Variants in EXOSC10 observed in about 807,000 individuals in gnomAD.
EXOSC10 encodes the protein exosome component 10.
A neutral mutation model predicts 126.6 loss-of-function variants in EXOSC10; 94 were observed. The observed-to-expected ratio is 0.74, with a 90% CI of 0.63 to 0.88. The LOEUF is 0.88. Ranked by LOEUF, EXOSC10 falls within the 40% of genes least tolerant of loss-of-function variation. The pLI, the probability that EXOSC10 is intolerant of heterozygous loss-of-function variation, is 0.00. For missense variants in EXOSC10, 1,041 were observed against 1,100.5 expected (o/e 0.95, Z 0.77); for synonymous variants, 395 against 400.8 (o/e 0.99, Z 0.17).
chr1:11,066,897 T>C (rs924992914), intron 24 of EXOSC10, 149 bp from the exon 25 acceptor site: 6 of 826,270 alleles, frequency 7.3e-6, no homozygotes, highest in Non-Finnish European at 1.2e-5. Flanking sequence ...CCCACCAGAG[T>C]TGGCTGAGCT....
chr1:11,083,094 C>T (rs994284219), intron 9 of EXOSC10, among the ~76,000 whole-genome samples: 26 of 152,118 alleles, frequency 1.7e-4, no homozygotes, highest in African/African-American at 6.0e-4. Context: ...GGGACTACAG[C>T]GTGCCACCAC....
chr1:11,094,520 C>T (rs1640964890), intron 3 of EXOSC10, among the ~76,000 whole-genome samples: 1 of 151,636 alleles, frequency 6.6e-6, no homozygotes, highest in Non-Finnish European at 1.5e-5. Context: ...GCTCCTGAAC[C>T]CCTGACCTCA....
intron 9 of EXOSC10, among the ~76,000 whole-genome samples, chr1:11,084,355 G>A (rs997779292): frequency 2.0e-5 from 3 of 152,264 alleles, no homozygotes; most frequent in African/African-American, 7.2e-5. Context: ...CTGTGGTTTC[G>A]ATTTGCATTT....
At chr1:11,079,315 G>A (rs1247774274) in intron 14 of EXOSC10, among the ~76,000 whole-genome samples, 1 of 148,822 alleles carries the variant, frequency 6.7e-6, no homozygotes, top group East Asian at 2.0e-4. Flanking sequence ...GAGACAGAGC[G>A]AGACTCCGTC....
chr1:11,071,635 C>T (rs565849264), intron 20 of EXOSC10: 2 of 168,042 alleles, frequency 1.2e-5, no homozygotes, highest in East Asian at 1.8e-4. Context: ...CTCCTGGCTT[C>T]TGAACTCAGA....
At chr1:11,068,578 T>C in intron 23 of EXOSC10, 67 bp downstream of exon 23, 1 of 1,226,922 alleles carries the variant, frequency 8.2e-7, no homozygotes, top group Non-Finnish European at 1.2e-6. Context: ...GCCTGTCTTC[T>C]CAGCAGAGGA....
At position 11,082,858 on chromosome 1, in the gene EXOSC10, T is replaced by C. The variant is rs1237506943; in HGVS notation, c.1110A>G (p.Ser370=). 2.1e-5 allele frequency: 34 copies of C among 1,614,052 alleles called. No individual in the cohort carries two copies. The highest frequency in any genetic ancestry group is 2.9e-5 in the Non-Finnish European group (34 of 1,180,000). The part of the protein sequence containing the change: ...AIVKVFHGAD[S]DIEWLQKDFG... ...AGTCTTTCTGTAGCCATTCTATGTC[T>C]GAATCAGCACCATGAAAGACCTGAA... The change falls in exon 10 of 25, where the codon TCA becomes TCG. Residue 370 remains serine (S), a synonymous_variant. Coordinates refer to ENST00000376936, the MANE Select transcript of EXOSC10 (RefSeq NM_001001998.3).
chr1:11,088,021 T>A (rs1005689254), intron 7 of EXOSC10, 102 bp downstream of exon 7: 5 of 1,278,278 alleles, frequency 3.9e-6, no homozygotes, highest in Non-Finnish European at 5.6e-6. Flanking sequence ...ACTTTCTCCC[T>A]TAAAGATCTT....
intron 21 of EXOSC10, 47 bp from the exon 22 acceptor site, chr1:11,069,777 G>C (rs1320421512): frequency 8.8e-6 from 14 of 1,598,460 alleles, no homozygotes; most frequent in Non-Finnish European, 1.2e-5. Context: ...AGGCACATGG[G>C]AACAGGGAAC....
In EXOSC10 at chr1:11,091,113, G is replaced by A. The variant is rs1180763502; in HGVS notation, c.544C>T (p.Arg182Ter). ...FRLLHAKNII[R>*]PQLKFREKID... ...TTCTCTCGAAACTTGAGCTGAGGTC[G>A]GATGATATTTTTTGCATGAAGCAGC... Residue 182 changes from arginine (R) to a stop codon, truncating the protein, a stop_gained, in exon 5 of 25, where the codon CGA (arginine) becomes TGA (stop). Coordinates refer to ENST00000376936, the MANE Select transcript of EXOSC10 (RefSeq NM_001001998.3). LOFTEE classifies it high-confidence loss of function. 7 of 1,613,986 alleles carry A rather than the reference G, an allele frequency of 4.3e-6. No homozygotes were observed. The South Asian group carries it at 4.4e-5, about 10-fold the overall frequency.
chr1:11,096,862 G>T (rs1046071133), intron 2 of EXOSC10, among the ~76,000 whole-genome samples: 1 of 152,150 alleles, frequency 6.6e-6, no homozygotes, highest in Non-Finnish European at 1.5e-5. Context: ...CACTTCAGGA[G>T]TGGTCACGAC....
intron 23 of EXOSC10, chr1:11,068,353 G>A (rs940389784): frequency 1.4e-5 from 8 of 588,498 alleles, no homozygotes; most frequent in Middle Eastern, 4.5e-4. Context: ...ACCCACGAGG[G>A]GTGAATGCAG....
chr1:11,072,115 A>C lies in EXOSC10; in HGVS notation c.2214T>G (p.Ala738=). The stretch of plus-strand genomic sequence containing the variant: ...TTTGCTCAGCTGCCTTCTTCTTGAC[A>C]GCTTCTTTAGAGTCTTTTTGTACTT... The part of the protein sequence containing the change: ...QVQVQKDSKE[A]VKKKAAEQTA... The change falls in exon 20 of 25, where the codon GCT becomes GCG. Residue 738 remains alanine, a synonymous_variant. Coordinates refer to ENST00000376936, the MANE Select transcript of EXOSC10 (RefSeq NM_001001998.3). 6.2e-7 allele frequency: 1 copy of C among 1,613,952 alleles called. No homozygotes were observed. The highest frequency in any genetic ancestry group is 1.3e-5 in the African/African-American group (1 of 75,036).
chr1:11,097,957 T>C (rs1396111184), intron 2 of EXOSC10, 63 bp downstream of exon 2: 1 of 1,397,668 alleles, frequency 7.2e-7, no homozygotes, highest in African/African-American at 1.5e-5. Context: ...TCAGGAAAAA[T>C]TTATCTACTT....
chr1:11,079,595 T>C (rs1014666322), intron 14 of EXOSC10, 116 bp downstream of exon 14: 11 of 773,164 alleles, frequency 1.4e-5, no homozygotes, highest in Non-Finnish European at 1.9e-5. Flanking sequence ...GGTTTCACCA[T>C]GTTGGCCAGG....
At position 11,082,754 on chromosome 1, in the gene EXOSC10, T is replaced by C; in HGVS notation, c.1214A>G (p.His405Arg). The C allele has an allele frequency of 6.2e-7, 1 of 1,614,226 alleles. No individual in the cohort carries two copies. Among genetic ancestry groups the C allele is most frequent in the Non-Finnish European group, 8.5e-7 (1 of 1,180,032 alleles). The stretch of plus-strand genomic sequence containing the variant: ...CACGTTGCAGTAGAGTTTCAGGAGA[T>C]GATCGAGTGAGTGCCTGCCCAGGTT... Reference protein sequence around the residue: ...LLNLGRHSLDHLLKLYCNVDS... With the variant: ...LLNLGRHSLDRLLKLYCNVDS... Residue 405 changes from histidine to arginine, a missense_variant, in exon 10 of 25, where the codon CAT (histidine) becomes CGT (arginine). By Grantham distance (29) the His-to-Arg change is conservative (BLOSUM62 0). Transcript: ENST00000376936.
At chr1:11,071,345 A>C in intron 20 of EXOSC10, 1 of 250,572 alleles carries the variant, frequency 4.0e-6, no homozygotes, top group Non-Finnish European at 7.7e-6. Context: ...GCTGCTCAGG[A>C]CAAAACCTTC....
chr1:11,079,689 C>T (rs1295670165), intron 14 of EXOSC10, 22 bp downstream of exon 14: 1 of 1,599,186 alleles, frequency 6.3e-7, no homozygotes, highest in Admixed American at 1.7e-5. Flanking sequence ...CCACTGTGCC[C>T]AGCCGCAGAA....
chr1:11,071,010 T>A, intron 20 of EXOSC10, 37 bp from the exon 21 acceptor site: 1 of 1,597,738 alleles, frequency 6.3e-7, no homozygotes, highest in Non-Finnish European at 8.6e-7. Context: ...AGTTGGTGAA[T>A]CCAGCAACCA....
Sources: allele counts gnomAD v4.1 joint callset (sites outside exome capture counted in the v4.1 genomes callset), GRCh38; gene constraint gnomAD v4.1.1; transcripts MANE v1.5; gene names NCBI Gene and HGNC (gene_info 2026-07-23, HGNC 2026-07-21).